Variants in NALF1 observed in about 807,000 individuals in gnomAD.
The protein encoded by NALF1 is family with sequence similarity 155 member A.
NALF1 carries 3 observed loss-of-function variants against 48.4 expected under a neutral mutation model. That is an observed-to-expected ratio of 0.06 (90% CI 0.03 to 0.16). The LOEUF (loss-of-function observed/expected upper bound fraction) is 0.16. Ranked by LOEUF, NALF1 falls within the 10% of genes least tolerant of loss-of-function variation. NALF1 has a pLI of 1.00. For missense variants in NALF1, 526 were observed against 571.5 expected (o/e 0.92, Z 0.81); for synonymous variants, 262 against 245.7 (o/e 1.07, Z -0.62).
intron 1 of NALF1, among the ~76,000 whole-genome samples, chr13:107,685,938 G>C (rs1313132007): frequency 6.6e-6 from 1 of 152,212 alleles, no homozygotes; most frequent in African/African-American, 2.4e-5. Flanking sequence ...TTACTTTCTA[G>C]ATAGGAGAAG....
At chr13:107,478,815 C>T (rs1294186882) in intron 1 of NALF1, among the ~76,000 whole-genome samples, 1 of 151,908 alleles carries the variant, frequency 6.6e-6, no homozygotes, top group Non-Finnish European at 1.5e-5. Flanking sequence ...CACTTCAACA[C>T]AAAAAGTCAC....
intron 1 of NALF1, among the ~76,000 whole-genome samples, chr13:107,243,100 C>T (rs1880509160): frequency 1.3e-5 from 2 of 152,108 alleles, no homozygotes; most frequent in Admixed American, 1.3e-4. Context: ...CCACTCATTG[C>T]ACTTGGAATT....
intron 1 of NALF1, among the ~76,000 whole-genome samples, chr13:107,295,575 T>C (rs1169272743): frequency 6.6e-6 from 1 of 152,122 alleles, no homozygotes; most frequent in East Asian, 1.9e-4. Context: ...ACAAGTTCCT[T>C]CCCAGAGCTG....
chr13:107,864,295 G>A (rs1241945594), intron 1 of NALF1, among the ~76,000 whole-genome samples: 1 of 152,180 alleles, frequency 6.6e-6, no homozygotes, highest in East Asian at 1.9e-4. Flanking sequence ...TTCTGGTCTT[G>A]AAGAATGAGA....
intron 1 of NALF1, among the ~76,000 whole-genome samples, chr13:107,772,506 A>C (rs1367314475): frequency 6.6e-6 from 1 of 152,178 alleles, no homozygotes; most frequent in Non-Finnish European, 1.5e-5. Flanking sequence ...GTTCAATGTA[A>C]AACATAAATT....
intron 1 of NALF1, among the ~76,000 whole-genome samples, chr13:107,597,507 C>A (rs577368526): frequency 5.9e-5 from 9 of 151,890 alleles, no homozygotes; most frequent in African/African-American, 2.2e-4. Context: ...AAGGTCTAAC[C>A]GAGACTATCA....
chr13:107,397,858 C>T (rs180904403), intron 1 of NALF1, among the ~76,000 whole-genome samples: 2 of 152,218 alleles, frequency 1.3e-5, no homozygotes, highest in East Asian at 1.9e-4. Flanking sequence ...AAAATTCTTA[C>T]ATCCTAAAAA....
chr13:107,248,992 T>C (rs1411998202), intron 1 of NALF1, among the ~76,000 whole-genome samples: 1 of 150,714 alleles, frequency 6.6e-6, no homozygotes, highest in Non-Finnish European at 1.5e-5. Context: ...AACATATATA[T>C]ATGTTGTGTA....
At position 107,325,855 on chromosome 13, in the gene NALF1, CATATAT is replaced by C. The variant is rs1228535140; in HGVS notation, c.916-115106_916-115101del. On this transcript the variant is annotated intron_variant, in intron 1 of 2. Coordinates refer to ENST00000375915, the MANE Select transcript of NALF1 (RefSeq NM_001080396.3). ...AACTGTGTCTCAACACACACACACACATATATATATATATATATATATATATATATA... is the reference window on the plus strand; with the variant it reads ...AACTGTGTCTCAACACACACACACACATATATATATATATATATATATATA... 8.9e-4 allele frequency among the ~76,000 whole-genome samples: 48 copies of C among 54,056 alleles called. 1 individual carries two copies. The highest frequency in any genetic ancestry group is 2.7e-3 in the African/African-American group (44 of 16,124). The allele number at this position is 54,056 out of a possible 152,430, so 35.5% of individuals were successfully genotyped here.
At chr13:107,232,686 C>T (rs1296827262) in intron 1 of NALF1, among the ~76,000 whole-genome samples, 2 of 149,370 alleles carry the variant, frequency 1.3e-5, no homozygotes, top group East Asian at 1.9e-4. Context: ...GAGGCACTTG[C>T]TTGGGCTGGA....
intron 1 of NALF1, among the ~76,000 whole-genome samples, chr13:107,341,284 T>C (rs576121831): frequency 3.5e-4 from 54 of 152,158 alleles, no homozygotes; most frequent in Non-Finnish European, 1.2e-4. Context: ...ATTTTTGGTA[T>C]GTTTGAAAAC....
At chr13:107,300,566 C>T (rs554132023) in intron 1 of NALF1, among the ~76,000 whole-genome samples, 3 of 152,084 alleles carry the variant, frequency 2.0e-5, no homozygotes, top group African/African-American at 7.2e-5. Flanking sequence ...TCCAAAGTAT[C>T]CACACTTAGT....
rs1165598837 is a variant in NALF1, at chr13:107,568,545, G to A, written c.915+297137C>T. On this transcript the variant is annotated intron_variant, in intron 1 of 2. Transcript: ENST00000375915. ...GTACCAAACTATTTTTGGAATAGCT[G>A]TACCATTTTACGTATCCACTAGCAC... Among the ~76,000 whole-genome samples, 4 of 152,172 alleles carry A rather than the reference G, an allele frequency of 2.6e-5. No homozygotes were observed. In the East Asian group the frequency reaches 5.8e-4, roughly 22 times the overall value.
At chr13:107,482,124 A>G (rs1885263414) in intron 1 of NALF1, among the ~76,000 whole-genome samples, 1 of 152,114 alleles carries the variant, frequency 6.6e-6, no homozygotes, top group African/African-American at 2.4e-5. Context: ...ATCACCCTCC[A>G]TAATACGAAT....
intron 1 of NALF1, among the ~76,000 whole-genome samples, chr13:107,513,410 T>C (rs1311962768): frequency 6.6e-6 from 1 of 152,218 alleles, no homozygotes; most frequent in Non-Finnish European, 1.5e-5. Context: ...CCATTCCAAG[T>C]ACTCAGCAAG....
chr13:107,340,941 A>G (rs9514666), intron 1 of NALF1, among the ~76,000 whole-genome samples: 114,309 of 151,504 alleles, frequency 0.75, 43,973 homozygotes, highest in Non-Finnish European at 0.82. Flanking sequence ...GAGAAGTTTG[A>G]ATCTGCAGAA....
At chr13:107,242,593 AATTG>A (rs1353537745) in intron 1 of NALF1, among the ~76,000 whole-genome samples, 4 of 152,358 alleles carry the variant, frequency 2.6e-5, no homozygotes, top group South Asian at 4.1e-4. Flanking sequence ...ATTTTTAATT[AATTG>A]ATTAACATTA....
intron 1 of NALF1, among the ~76,000 whole-genome samples, chr13:107,387,392 C>T (rs936314880): frequency 2.6e-5 from 4 of 152,102 alleles, no homozygotes; most frequent in Non-Finnish European, 1.5e-5. Context: ...TTCACAAAGC[C>T]GAAGCCTCCC....
At chr13:107,454,127 G>A (rs60543421) in intron 1 of NALF1, among the ~76,000 whole-genome samples, 11,252 of 152,108 alleles carry the variant, frequency 0.074, 873 homozygotes, top group African/African-American at 0.19. Context: ...ACATTTTCCT[G>A]TTTTCTTCTG....
Sources: allele counts gnomAD v4.1 joint callset (sites outside exome capture counted in the v4.1 genomes callset), GRCh38; gene constraint gnomAD v4.1.1; transcripts MANE v1.5; gene names NCBI Gene and HGNC (gene_info 2026-07-23, HGNC 2026-07-21).